The following TNFRSF11A variants were observed in gnomAD, a reference collection of about 807,000 sequenced individuals.
TNFRSF11A encodes the protein tumor necrosis factor receptor superfamily member 11A.
A neutral mutation model predicts 55.7 loss-of-function variants in TNFRSF11A; 32 were observed. That is an observed-to-expected ratio of 0.57 (90% CI 0.43 to 0.77). The LOEUF (loss-of-function observed/expected upper bound fraction) is 0.77, where lower values mean the gene tolerates loss of function less well. TNFRSF11A is among the 30% of genes least tolerant of loss of function. The probability of loss-of-function intolerance (pLI) is 0.00; values close to 1 mark genes in which losing one functional copy is unlikely to be tolerated. For missense variants in TNFRSF11A, 753 were observed against 809.8 expected (o/e 0.93, Z 0.85); for synonymous variants, 311 against 331.0 (o/e 0.94, Z 0.65).
chr18:62,360,254 G>A (rs560528802), intron 6 of TNFRSF11A, among the ~76,000 whole-genome samples: 10 of 152,066 alleles, frequency 6.6e-5, no homozygotes, highest in African/African-American at 2.4e-4. Flanking sequence ...CTGGATTGGG[G>A]GTAACTAATA....
chr18:62,384,669 C>CT, intron 9 of TNFRSF11A, 82 bp from the exon 10 acceptor site: 1 of 1,538,274 alleles, frequency 6.5e-7, no homozygotes, highest in Non-Finnish European at 8.8e-7. Flanking sequence ...CCGCCCTCCA[C>CT]TCCCCGGAAC....
rs1479038320 is a variant in TNFRSF11A at position 62,390,894 on chromosome 18, T to G, written c.*5860T>G. On this transcript the variant is annotated 3_prime_UTR_variant, in exon 10 of 10. Coordinates refer to ENST00000586569, the MANE Select transcript of TNFRSF11A (RefSeq NM_003839.4). ...TTGTTATATACAGTAAAATTCACCC[T>G]TTTTAGATATATAGTTTTATGAGTT... is the stretch of plus-strand genomic sequence containing the variant. 6.6e-6 allele frequency: 1 copy of G among 152,238 alleles called. No homozygotes were observed. Among genetic ancestry groups the G allele is most frequent in the Non-Finnish European group, 1.5e-5 (1 of 68,034 alleles). 9.4% of individuals were successfully genotyped at this position (152,238 alleles called of 1,614,324 possible). A position where few individuals can be genotyped will look rare whatever the true frequency, so the allele number is the denominator to read the frequency against.
rs944068285 is a variant in TNFRSF11A, at chr18:62,348,349, C to T, written c.157+100C>T. 5.4e-5 allele frequency: 57 copies of T among 1,052,140 alleles called. No individual in the cohort carries two copies. In the Middle Eastern group the frequency reaches 6.0e-4, roughly 11 times the overall value. The allele number at this position is 1,052,140 out of a possible 1,614,324, so 65.2% of individuals were successfully genotyped here. ...AGATGAAAAAAAGAAATTGGATAGA[C>T]GCGTTATGGTAGTGGCAGGTGGTAA... On this transcript the variant is annotated intron_variant, in intron 2 of 9. Transcript: ENST00000586569.
At chr18:62,350,301 T>A (rs28735049) in intron 3 of TNFRSF11A, among the ~76,000 whole-genome samples, 34,656 of 152,124 alleles carry the variant, frequency 0.23, 4,184 homozygotes, top group Middle Eastern at 0.38. Flanking sequence ...TTTATTTTTT[T>A]AATTTATTTG....
At position 62,338,846 on chromosome 18, in the gene TNFRSF11A, G is replaced by GT. The variant is rs940482994; in HGVS notation, c.76-9315dup. Among the ~76,000 whole-genome samples, 3 of 152,230 alleles carry GT rather than the reference G, an allele frequency of 2.0e-5. No individual in the cohort carries two copies. The East Asian group carries it at 5.8e-4, about 29-fold the overall frequency. ...ATAAAAAATATTAAATGGCCCCAAAGTTTTTTTAAAAAGGCATTCAAAGGA... is the reference window on the plus strand; with the variant it reads ...ATAAAAAATATTAAATGGCCCCAAAGTTTTTTTTAAAAAGGCATTCAAAGGA... On this transcript the variant is annotated intron_variant, in intron 1 of 9. Transcript: ENST00000586569.
In TNFRSF11A at chr18:62,348,236, C is replaced by G. The variant is rs772599734; in HGVS notation, c.144C>G (p.Asn48Lys). The G allele has an allele frequency of 1.2e-6, 2 of 1,614,084 alleles. No homozygotes were observed. The highest frequency in any genetic ancestry group is 1.7e-6 in the Non-Finnish European group (2 of 1,180,022). The change falls in exon 2 of 10, where the codon AAC becomes AAG. Residue 48 changes from asparagine to lysine, a missense_variant. Transcript: ENST00000586569. ...KHYEHLGRCC[N>K]KCEPGKYMSS... ...ATGAGCATCTGGGACGGTGCTGTAA[C>G]AAATGTGAACCAGGTACACCTGCTT...
At chr18:62,369,592 T>C in intron 9 of TNFRSF11A, 108 bp downstream of exon 9, 1 of 1,398,756 alleles carries the variant, frequency 7.1e-7, no homozygotes, top group East Asian at 2.4e-5. Flanking sequence ...TGGGAAAACC[T>C]CAGCTTGTGC....
intron 1 of TNFRSF11A, chr18:62,336,353 T>TGAAG (rs2046233233): frequency 6.6e-6 from 1 of 152,352 alleles, no homozygotes; most frequent in East Asian, 1.9e-4. Context: ...GATTTCACCC[T>TGAAG]GAAGGCTGGG....
At chr18:62,332,198 T>G (rs1600347046) in intron 1 of TNFRSF11A, among the ~76,000 whole-genome samples, 1 of 152,192 alleles carries the variant, frequency 6.6e-6, no homozygotes, top group Non-Finnish European at 1.5e-5. Flanking sequence ...TGTTGGCTGG[T>G]TTGGGGTTCG....
At chr18:62,374,004 T>C (rs943031640) in intron 9 of TNFRSF11A, 9 of 152,248 alleles carry the variant, frequency 5.9e-5, no homozygotes, top group African/African-American at 1.9e-4. Flanking sequence ...CTTCACACTC[T>C]TGTTAGAATG....
In TNFRSF11A at chr18:62,330,226, G is replaced by A. The variant is rs146369538; in HGVS notation, c.75+4799G>A. Among the ~76,000 whole-genome samples, 26 of 152,306 alleles carry A rather than the reference G, an allele frequency of 1.7e-4. 1 individual carries two copies. The highest frequency in any genetic ancestry group is 5.5e-4 in the African/African-American group (23 of 41,558). On this transcript the variant is annotated intron_variant, in intron 1 of 9. Coordinates refer to ENST00000586569, the MANE Select transcript of TNFRSF11A (RefSeq NM_003839.4). ...TGATTAAAAGACAGCAGGATCCGGT[G>A]TTCTGGGGAGGGTTTTCAACTTGTC...
chr18:62,361,716 T>A lies in TNFRSF11A; in HGVS notation c.653T>A (p.Leu218His), dbSNP rs753664199. ...TACTTGCCCGGTTTAATAATTCTGC[T>A]TCTCTTCGCGTCTGTGGCCCTGGTG... The part of the protein sequence containing the change: ...HVYLPGLIIL[L>H]LFASVALVAA... Residue 218 changes from leucine to histidine, a missense_variant, in exon 7 of 10, where the codon CTT becomes CAT. This residue lies in a region of TNFRSF11A where 567 missense variants were observed against 596.7 expected (regional missense o/e 0.95). Coordinates refer to ENST00000586569, the MANE Select transcript of TNFRSF11A (RefSeq NM_003839.4). 4 of 1,614,100 alleles carry A rather than the reference T, an allele frequency of 2.5e-6. No homozygotes were observed. The highest frequency in any genetic ancestry group is 3.4e-6 in the Non-Finnish European group (4 of 1,180,028).
At chr18:62,345,245 G>A (rs1437801341) in intron 1 of TNFRSF11A, among the ~76,000 whole-genome samples, 1 of 152,178 alleles carries the variant, frequency 6.6e-6, no homozygotes, top group African/African-American at 2.4e-5. Flanking sequence ...TGGAAGCAGA[G>A]AGCCAGAAAG....
intron 1 of TNFRSF11A, among the ~76,000 whole-genome samples, chr18:62,335,092 A>C (rs1284723398): frequency 3.3e-5 from 5 of 150,884 alleles, no homozygotes; most frequent in African/African-American, 9.7e-5. Context: ...AGTTGGGTCC[A>C]GTTGGAGGTC....
chr18:62,372,582 A>C (rs1009727111), intron 9 of TNFRSF11A, among the ~76,000 whole-genome samples: 1 of 151,812 alleles, frequency 6.6e-6, no homozygotes, highest in African/African-American at 2.4e-5. Flanking sequence ...ATATTGTATG[A>C]TGCTGAGTTT....
chr18:62,336,889 G>A (rs906645998), intron 1 of TNFRSF11A: 2 of 152,238 alleles, frequency 1.3e-5, no homozygotes, highest in African/African-American at 4.8e-5. Flanking sequence ...AAGGAGCAGA[G>A]ATAATAAATG....
intron 1 of TNFRSF11A, among the ~76,000 whole-genome samples, chr18:62,333,337 G>T (rs190844702): frequency 4.6e-5 from 7 of 152,268 alleles, no homozygotes; most frequent in Admixed American, 4.6e-4. Flanking sequence ...AACTCTGGGG[G>T]TGGGGGCCAG....
At chr18:62,372,806 C>T (rs956693377) in intron 9 of TNFRSF11A, 6 of 152,228 alleles carry the variant, frequency 3.9e-5, no homozygotes, top group African/African-American at 1.4e-4. Flanking sequence ...ATAATGGCCT[C>T]CAACTGCATC....
intron 1 of TNFRSF11A, among the ~76,000 whole-genome samples, chr18:62,339,764 C>T (rs2145261684): frequency 6.6e-6 from 1 of 152,252 alleles, no homozygotes; most frequent in Non-Finnish European, 1.5e-5. Context: ...GGAGAAAAAT[C>T]ATTTTTCGAG....
Sources: gnomAD v4.1 joint callset for allele counts (sites outside exome capture counted in the v4.1 genomes callset) on GRCh38, gnomAD v4.1.1 for gene constraint, gnomAD v4.1.1 regional missense constraint, MANE v1.5 for transcripts, NCBI Gene and HGNC (gene_info 2026-07-23, HGNC 2026-07-21) for gene names.